DCC: variants seen among roughly 807,000 people sequenced by gnomAD.
DCC encodes netrin receptor DCC.
A neutral mutation model predicts 172.5 loss-of-function variants in DCC; 58 were observed. The ratio of observed to expected loss-of-function variants is 0.34; its 90% confidence interval spans 0.27 to 0.42. The LOEUF (loss-of-function observed/expected upper bound fraction) is 0.42. DCC is among the 10% of genes least tolerant of loss of function. The pLI is 1.00. For synonymous variants in DCC, 709 were observed against 644.5 expected (o/e 1.10, Z -1.52); for missense variants, 1,740 against 1,791.0 (o/e 0.97, Z 0.51).
chr18:53,123,944 C>T (rs568701738), intron 7 of DCC, among the ~76,000 whole-genome samples: 34 of 152,154 alleles, frequency 2.2e-4, no homozygotes, highest in South Asian at 8.3e-4. Context: ...CAGTGAGGCA[C>T]ATCAGGAACA....
intron 2 of DCC, among the ~76,000 whole-genome samples, chr18:52,829,787 C>T (rs919204715): frequency 6.6e-6 from 1 of 152,158 alleles, no homozygotes; most frequent in African/African-American, 2.4e-5. Context: ...GACAAAGACT[C>T]TACCTTTATG....
intron 1 of DCC, among the ~76,000 whole-genome samples, chr18:52,367,502 G>A (rs1376211210): frequency 6.6e-6 from 1 of 152,208 alleles, no homozygotes; most frequent in Non-Finnish European, 1.5e-5. Flanking sequence ...CTCTTCAGAA[G>A]GACACTGGGA....
intron 1 of DCC, among the ~76,000 whole-genome samples, chr18:52,483,460 A>T (rs2030056314): frequency 6.6e-6 from 1 of 152,146 alleles, no homozygotes; most frequent in African/African-American, 2.4e-5. Context: ...TTTCTGAAAC[A>T]TCACATGTCC....
chr18:52,656,824 G>C (rs2035263021), intron 1 of DCC, among the ~76,000 whole-genome samples: 1 of 152,032 alleles, frequency 6.6e-6, no homozygotes, highest in Non-Finnish European at 1.5e-5. Context: ...CAGGAAGACT[G>C]TATCTGAGAG....
intron 1 of DCC, among the ~76,000 whole-genome samples, chr18:52,535,801 T>C (rs2032271653): frequency 6.6e-6 from 1 of 152,186 alleles, no homozygotes; most frequent in African/African-American, 2.4e-5. Context: ...TGCTTAGCAC[T>C]CATTAAGCAG....
At chr18:52,869,341 G>T (rs1439663783) in intron 2 of DCC, among the ~76,000 whole-genome samples, 4 of 152,208 alleles carry the variant, frequency 2.6e-5, no homozygotes, top group Non-Finnish European at 5.9e-5. Flanking sequence ...AGAGAGGGTA[G>T]CTCCTGTCTA....
intron 14 of DCC, among the ~76,000 whole-genome samples, chr18:53,327,203 A>C (rs1270592009): frequency 1.3e-5 from 2 of 152,200 alleles, no homozygotes; most frequent in Non-Finnish European, 2.9e-5. Context: ...AGTAATTATA[A>C]AACCAAACCA....
Position 52,548,500 on chromosome 18 carries a change from C to T in DCC, c.92-203554C>T, listed in dbSNP as rs1459913750. On this transcript the variant is annotated intron_variant, in intron 1 of 28. Coordinates refer to ENST00000442544, the MANE Select transcript of DCC (RefSeq NM_005215.4). ...GTTAGCATCTCAAGTAGGCAACAAG[C>T]GTCCACATCAGTTCTAGGCTGGTTA... Among the ~76,000 whole-genome samples, 8 of 152,144 alleles carry T rather than the reference C, an allele frequency of 5.3e-5. 1 individual carries two copies. The Middle Eastern group carries it at 0.014, about 259-fold the overall frequency.
intron 8 of DCC, among the ~76,000 whole-genome samples, chr18:53,170,969 T>C (rs1267746541): frequency 6.6e-6 from 1 of 152,152 alleles, no homozygotes; most frequent in Non-Finnish European, 1.5e-5. Context: ...CATGGCAACT[T>C]CTGCCTCCAG....
intron 19 of DCC, among the ~76,000 whole-genome samples, chr18:53,406,040 A>G (rs577018600): frequency 1.5e-3 from 228 of 152,338 alleles, no homozygotes; most frequent in African/African-American, 5.0e-3. Flanking sequence ...TTCCCAAGTG[A>G]CTTATTGTAT....
At chr18:52,948,632 T>C (rs997649604) in intron 5 of DCC, among the ~76,000 whole-genome samples, 2 of 152,100 alleles carry the variant, frequency 1.3e-5, no homozygotes, top group Non-Finnish European at 2.9e-5. Context: ...TCACCTTCTT[T>C]CTTCTCCTCC....
chr18:53,429,860 C>A (rs28595591), intron 21 of DCC, among the ~76,000 whole-genome samples: 5,663 of 152,118 alleles, frequency 0.037, 365 homozygotes, highest in African/African-American at 0.13. Flanking sequence ...TGTGTTGAAC[C>A]TTAGGAAAAG....
intron 22 of DCC, among the ~76,000 whole-genome samples, chr18:53,447,455 C>A (rs971121968): frequency 1.3e-5 from 2 of 152,114 alleles, no homozygotes; most frequent in African/African-American, 2.4e-5. Flanking sequence ...AGGCAAATGA[C>A]ATCAATATAA....
chr18:53,470,973 T>C (rs2045688874), intron 25 of DCC, among the ~76,000 whole-genome samples: 1 of 152,186 alleles, frequency 6.6e-6, no homozygotes, highest in African/African-American at 2.4e-5. Context: ...TCATTCTGAT[T>C]TCCTTATACC....
In DCC at chr18:53,131,874, G is replaced by A. The variant is rs149523281; in HGVS notation, c.1262-25482G>A. 6.5e-3 allele frequency among the ~76,000 whole-genome samples: 971 copies of A among 149,896 alleles called. 7 individuals carry two copies. The highest frequency in any genetic ancestry group is 0.038 in the Middle Eastern group (11 of 286). ...TTTGTCTTGGTCTTAAAAATAAATC[G>A]GTGCAAATCAAAATGGATGATTTAA... On this transcript the variant is annotated intron_variant, in intron 7 of 28. Transcript: ENST00000442544.
chr18:52,541,876 T>TATATATATATATATAC (rs201639642), intron 1 of DCC, among the ~76,000 whole-genome samples: 4 of 7,694 alleles, frequency 5.2e-4, no homozygotes, highest in South Asian at 2.1e-3. Context: ...TGTGTGTGTG[T>TATATATATATATATAC]ATATATATAT....
intron 21 of DCC, 150 bp downstream of exon 21, chr18:53,416,306 C>T (rs184567794): frequency 3.8e-4 from 275 of 722,298 alleles, no homozygotes; most frequent in Non-Finnish European, 4.0e-5. Context: ...TAATGAAGTT[C>T]TGCTTGGCTG....
intron 2 of DCC, among the ~76,000 whole-genome samples, chr18:52,795,008 G>A (rs1395340478): frequency 1.3e-5 from 2 of 151,890 alleles, no homozygotes; most frequent in African/African-American, 2.4e-5. Context: ...TCTTTTCAAT[G>A]TGTTGTTGGA....
intron 1 of DCC, among the ~76,000 whole-genome samples, chr18:52,465,409 A>G (rs1568182566): frequency 1.3e-5 from 2 of 152,116 alleles, no homozygotes; most frequent in Non-Finnish European, 2.9e-5. Flanking sequence ...TTCAGGCATC[A>G]GAGCTGAAAG....
Sources: allele counts gnomAD v4.1 joint callset (sites outside exome capture counted in the v4.1 genomes callset), GRCh38; gene constraint gnomAD v4.1.1; transcripts MANE v1.5; gene names NCBI Gene and HGNC (gene_info 2026-07-23, HGNC 2026-07-21).